The following SLC4A4 variants were observed in gnomAD, a reference collection of about 807,000 sequenced individuals.
SLC4A4 encodes the protein electrogenic sodium bicarbonate cotransporter 1.
SLC4A4 carries 27 observed loss-of-function variants against 111.5 expected under a neutral mutation model. That is an observed-to-expected ratio of 0.24 (90% confidence interval 0.18 to 0.33). The LOEUF (loss-of-function observed/expected upper bound fraction) is 0.33, where lower values mean the gene tolerates loss of function less well. Ranked by LOEUF, SLC4A4 falls within the 10% of genes least tolerant of loss-of-function variation. SLC4A4 has a pLI of 1.00. For missense variants in SLC4A4, 909 were observed against 1,315.5 expected, an observed-to-expected ratio of 0.69 and a Z score of 4.78; for synonymous variants, 443 against 463.4, an observed-to-expected ratio of 0.96 and a Z score of 0.57.
intron 2 of SLC4A4, among the ~76,000 whole-genome samples, chr4:71,172,075 T>G (rs1744958637): frequency 6.6e-6 from 1 of 152,124 alleles, no homozygotes; most frequent in Non-Finnish European, 1.5e-5. Context: ...TCACTACACC[T>G]ATGAAAAAAA....
At chr4:71,099,852 G>A (rs1293480481) in intron 2 of SLC4A4, among the ~76,000 whole-genome samples, 1 of 152,130 alleles carries the variant, frequency 6.6e-6, no homozygotes, top group Non-Finnish European at 1.5e-5. Context: ...AGAAAACCTA[G>A]AAGAGATGGA....
At chr4:71,437,645 C>T (rs978972865) in intron 7 of SLC4A4, 1 of 507,010 alleles carries the variant, frequency 2.0e-6, no homozygotes, top group African/African-American at 1.9e-5. Context: ...AGTTTATCAC[C>T]CAAACCTTTT....
chr4:71,530,972 T>G (rs1019003718), intron 16 of SLC4A4, among the ~76,000 whole-genome samples: 1 of 152,138 alleles, frequency 6.6e-6, no homozygotes, highest in Admixed American at 6.6e-5. Context: ...GGCTTCCTTG[T>G]ATATAACTTG....
intron 7 of SLC4A4, among the ~76,000 whole-genome samples, chr4:71,439,857 A>G (rs1297069289): frequency 6.6e-6 from 1 of 151,528 alleles, no homozygotes; most frequent in Non-Finnish European, 1.5e-5. Flanking sequence ...TAAAACTTCC[A>G]AAACTCCTTA....
chr4:71,163,590 T>A (rs1033609626), intron 2 of SLC4A4, among the ~76,000 whole-genome samples: 1 of 152,234 alleles, frequency 6.6e-6, no homozygotes, highest in African/African-American at 2.4e-5. Context: ...AGTAGATATA[T>A]AGACTTACTA....
At chr4:71,491,656 A>C (rs1729924080) in intron 15 of SLC4A4, among the ~76,000 whole-genome samples, 1 of 151,894 alleles carries the variant, frequency 6.6e-6, no homozygotes, top group Non-Finnish European at 1.5e-5. Flanking sequence ...GACCACTCAC[A>C]ACCCTGACCT....
chr4:71,247,316 T>C (rs1720747309), intron 2 of SLC4A4, among the ~76,000 whole-genome samples: 1 of 148,224 alleles, frequency 6.7e-6, no homozygotes, highest in Non-Finnish European at 1.5e-5. Context: ...GCATATATGA[T>C]ATATAATTAT....
Position 71,292,268 on chromosome 4 carries a change from T to C in SLC4A4, c.253+36869T>C, listed in dbSNP as rs568203564. On this transcript the variant is annotated intron_variant, in intron 3 of 25. Transcript: ENST00000264485. ...TATAATCACATCACAACAAATTGGTTGAGAAAGAATGAAGGTAAAGAAAAG... is the reference window on the plus strand; with the variant it reads ...TATAATCACATCACAACAAATTGGTCGAGAAAGAATGAAGGTAAAGAAAAG... Among the ~76,000 whole-genome samples, 10 of 152,300 alleles carry C rather than the reference T, an allele frequency of 6.6e-5. No homozygotes were observed. In the South Asian group the frequency reaches 2.1e-3, roughly 32 times the overall value.
At chr4:71,332,027 G>C (rs140531412) in intron 3 of SLC4A4, among the ~76,000 whole-genome samples, 1 of 152,170 alleles carries the variant, frequency 6.6e-6, no homozygotes, top group East Asian at 1.9e-4. Flanking sequence ...TGTAATGTCT[G>C]CCTATTCATC....
At chr4:71,442,047 T>C (rs1287069483) in intron 8 of SLC4A4, among the ~76,000 whole-genome samples, 3 of 152,184 alleles carry the variant, frequency 2.0e-5, no homozygotes, top group African/African-American at 7.2e-5. Context: ...TTTATTTATG[T>C]CTCTCTAGAC....
chr4:71,174,684 A>G (rs1745037529), intron 2 of SLC4A4, among the ~76,000 whole-genome samples: 1 of 152,170 alleles, frequency 6.6e-6, no homozygotes, highest in Non-Finnish European at 1.5e-5. Flanking sequence ...ATTTTTCTCT[A>G]TTTTATGATG....
chr4:71,483,547 C>G (rs1729082757), intron 14 of SLC4A4, among the ~76,000 whole-genome samples: 1 of 151,970 alleles, frequency 6.6e-6, no homozygotes, highest in African/African-American at 2.4e-5. Flanking sequence ...TGTATATGTA[C>G]CACCTCTTCT....
At chr4:71,176,221 G>T (rs1188114104) in intron 2 of SLC4A4, among the ~76,000 whole-genome samples, 3 of 152,088 alleles carry the variant, frequency 2.0e-5, no homozygotes, top group Non-Finnish European at 4.4e-5. Flanking sequence ...AAACCACAAA[G>T]ATGGGGAAAA....
chr4:71,455,401 T>C (rs529488345), intron 12 of SLC4A4, among the ~76,000 whole-genome samples: 23 of 152,264 alleles, frequency 1.5e-4, no homozygotes, highest in African/African-American at 5.3e-4. Context: ...ATGTCAGTAA[T>C]AGAATTTTTA....
intron 7 of SLC4A4, among the ~76,000 whole-genome samples, chr4:71,439,251 A>ACT (rs1301324734): frequency 6.6e-6 from 1 of 150,760 alleles, no homozygotes; most frequent in Non-Finnish European, 1.5e-5. Context: ...ATATGGTGAA[A>ACT]CTCTCTCTCT....
At chr4:71,412,010 C>G (rs1373294249) in intron 7 of SLC4A4, among the ~76,000 whole-genome samples, 1 of 152,186 alleles carries the variant, frequency 6.6e-6, no homozygotes, top group Non-Finnish European at 1.5e-5. Flanking sequence ...TGCTAAACAA[C>G]TGTATTAGCA....
At chr4:71,336,466 A>T (rs1324628274) in intron 3 of SLC4A4, among the ~76,000 whole-genome samples, 2 of 152,242 alleles carry the variant, frequency 1.3e-5, no homozygotes, top group Non-Finnish European at 2.9e-5. Context: ...GTACACAGTA[A>T]TTTAAAACAT....
chr4:71,366,711 A>G (rs1327049809), intron 6 of SLC4A4, among the ~76,000 whole-genome samples: 1 of 152,180 alleles, frequency 6.6e-6, no homozygotes, highest in African/African-American at 2.4e-5. Flanking sequence ...TACATAATAT[A>G]TCATTACCAT....
chr4:71,150,213 A>T (rs564513850), intron 2 of SLC4A4, among the ~76,000 whole-genome samples: 5 of 152,252 alleles, frequency 3.3e-5, no homozygotes, highest in Admixed American at 3.3e-4. Flanking sequence ...GTTTCTGTAC[A>T]CATTGATGTT....
Sources: gnomAD v4.1 joint callset for allele counts (sites outside exome capture counted in the v4.1 genomes callset) on GRCh38, gnomAD v4.1.1 for gene constraint, MANE v1.5 for transcripts, NCBI Gene and HGNC (gene_info 2026-07-23, HGNC 2026-07-21) for gene names.